Variants in ADAMTS8 observed in about 807,000 individuals in gnomAD.
ADAMTS8 encodes ADAM metallopeptidase with thrombospondin type 1 motif 8, also known as A disintegrin and metalloproteinase with thrombospondin motifs 8.
ADAMTS8 carries 50 observed loss-of-function variants against 64.4 expected under a neutral mutation model. The ratio of observed to expected loss-of-function variants is 0.78; its 90% confidence interval spans 0.62 to 0.98. ADAMTS8 has a LOEUF of 0.98. ADAMTS8 is among the 50% of genes least tolerant of loss of function. ADAMTS8 has a pLI of 0.00. For missense variants in ADAMTS8, 1,192 were observed against 1,208.2 expected (o/e 0.99, Z 0.20); for synonymous variants, 556 against 533.6 (o/e 1.04, Z -0.58).
rs1388320492 is a variant in ADAMTS8, at chr11:130,427,842, G to C, written c.445C>G (p.Arg149Gly). 6.5e-7 allele frequency: 1 copy of C among 1,542,860 alleles called. No homozygotes were observed. The highest frequency in any genetic ancestry group is 8.7e-7 in the Non-Finnish European group (1 of 1,147,840). ...GAGGSLAQPH[R>G]LQRWGPAGAR... ...CCGGCGGGACCCCAGCGCTGCAGGC[G>C]GTGCGGCTGAGCCAGGGAGCCCCCC... The change falls in exon 1 of 9, where the codon CGC becomes GGC. Residue 149 changes from arginine (R) to glycine (G), a missense_variant. Arg to Gly is a moderately radical substitution (Grantham distance 125, BLOSUM62 -2). Coordinates refer to ENST00000257359, the MANE Select transcript of ADAMTS8 (RefSeq NM_007037.6).
chr11:130,416,790 G>T lies in ADAMTS8; in HGVS notation c.1096+150C>A. On this transcript the variant is annotated intron_variant, in intron 3 of 8. Coordinates refer to ENST00000257359, the MANE Select transcript of ADAMTS8 (RefSeq NM_007037.6). This position sits in a 1 kb window ranked among gnomAD's most constrained non-coding sequence, Gnocchi z 4.8. Reference sequence around the variant, plus strand: ...GTTGTGTTCAGCACTGTCAAGCGCGGTATCTGTTTGTATACAGTCACCCTG... The same window carrying T: ...GTTGTGTTCAGCACTGTCAAGCGCGTTATCTGTTTGTATACAGTCACCCTG... 2 of 1,262,060 alleles carry T rather than the reference G, an allele frequency of 1.6e-6. No homozygotes were observed. Among genetic ancestry groups the T allele is most frequent in the Non-Finnish European group, 2.2e-6 (2 of 897,584 alleles). The allele number at this position is 1,262,060 out of a possible 1,614,324, so 78.2% of individuals were successfully genotyped here.
Position 130,411,840 on chromosome 11 carries a change from T to C in ADAMTS8, c.1567-240A>G, listed in dbSNP as rs10894194. On this transcript the variant is annotated intron_variant, in intron 5 of 8. Coordinates refer to ENST00000257359, the MANE Select transcript of ADAMTS8 (RefSeq NM_007037.6). This position sits in a 1 kb window ranked among gnomAD's most constrained non-coding sequence, Gnocchi z 4.2. ...CCTCAGTGTCTAAAACAGTGCCTTA[T>C]GCTTAGTAAGGTGCTCAATAGGCTA... The C allele has an allele frequency of 0.17, 89,222 of 540,436 alleles. 8,624 individuals carry two copies. The highest frequency in any genetic ancestry group is 0.22 in the Admixed American group (6,529 of 29,670). The allele number at this position is 540,436 out of a possible 1,614,324, so 33.5% of individuals were successfully genotyped here. A position where few individuals can be genotyped will look rare whatever the true frequency, so the allele number is the denominator to read the frequency against.
rs189501570 is a variant in ADAMTS8 at position 130,406,184 on chromosome 11, G to A, written c.2100-56C>T. On this transcript the variant is annotated intron_variant, in intron 8 of 8. Transcript: ENST00000257359. ...CCAGTGGCTGCCCAGCCCAGGTCAC[G>A]ATGATGCCTTGGAGACTGAAGTGGG... 5.8e-4 allele frequency: 907 copies of A among 1,552,962 alleles called. 1 individual carries two copies. The highest frequency in any genetic ancestry group is 7.0e-4 in the Non-Finnish European group (809 of 1,149,526).
At chr11:130,412,720 C>T (rs1861968215) in intron 5 of ADAMTS8, among the ~76,000 whole-genome samples, 1 of 151,970 alleles carries the variant, frequency 6.6e-6, no homozygotes. Context: ...CAGATAAAAC[C>T]ATTAACATGA....
Position 130,405,268 on chromosome 11 carries a change from G to A in ADAMTS8, c.*290C>T. 1 of 1,207,064 alleles carries A rather than the reference G, an allele frequency of 8.3e-7. No homozygotes were observed. Among genetic ancestry groups the A allele is most frequent in the Non-Finnish European group, 1.0e-6 (1 of 971,122 alleles). 74.8% of individuals were successfully genotyped at this position (1,207,064 alleles called of 1,614,324 possible). A position where few individuals can be genotyped will look rare whatever the true frequency, so the allele number is the denominator to read the frequency against. ...CTTTGCAAACAGACTGACGCTGAGT[G>A]TCCTGTCTGAGTCAATAAGTGCACT... On this transcript the variant is annotated 3_prime_UTR_variant, in exon 9 of 9. Coordinates refer to ENST00000257359, the MANE Select transcript of ADAMTS8 (RefSeq NM_007037.6).
chr11:130,419,488 G>C (rs1862072650), intron 1 of ADAMTS8, among the ~76,000 whole-genome samples, 196 bp from the exon 2 acceptor site: 1 of 152,184 alleles, frequency 6.6e-6, no homozygotes, highest in Non-Finnish European at 1.5e-5. Flanking sequence ...ACCTGCACGA[G>C]GTCACAAAGC....
At position 130,405,726 on chromosome 11, in the gene ADAMTS8, T is replaced by C; in HGVS notation, c.2502A>G (p.Ala834=). 1 of 1,614,218 alleles carries C rather than the reference T, an allele frequency of 6.2e-7. No individual in the cohort carries two copies. Among genetic ancestry groups the C allele is most frequent in the Non-Finnish European group, 8.5e-7 (1 of 1,180,024 alleles). Residue 834 remains alanine, a synonymous_variant, in exon 9 of 9, where the codon GCA becomes GCG. Coordinates refer to ENST00000257359, the MANE Select transcript of ADAMTS8 (RefSeq NM_007037.6). ...CAGACCAGTCCCCCAGCACCCACTG[T>C]GCGTGGAGCAGCGGCTGGATGATGT... ...TTNIIQPLLH[A]QWVLGDWSEC...
At position 130,428,158 on chromosome 11, in the gene ADAMTS8, G is replaced by A; in HGVS notation, c.129C>T (p.Pro43=). ...AGGQASELVV[P]TRLPGSAGEL... Reference sequence around the variant, plus strand: ...CGCCCGCGCTGCCGGGCAACCGCGTGGGCACCACCAGCTCCGAGGCCTGCC... The same window carrying A: ...CGCCCGCGCTGCCGGGCAACCGCGTAGGCACCACCAGCTCCGAGGCCTGCC... Residue 43 remains proline, a synonymous_variant, in exon 1 of 9, where the codon CCC becomes CCT. Transcript: ENST00000257359. 4 of 1,471,180 alleles carry A rather than the reference G, an allele frequency of 2.7e-6. No individual in the cohort carries two copies. In the South Asian group the frequency reaches 5.2e-5, roughly 19 times the overall value. 91.1% of individuals were successfully genotyped at this position (1,471,180 alleles called of 1,614,324 possible). A position where few individuals can be genotyped will look rare whatever the true frequency, so the allele number is the denominator to read the frequency against.
chr11:130,406,967 G>C (rs1438423317), intron 8 of ADAMTS8, among the ~76,000 whole-genome samples: 1 of 152,156 alleles, frequency 6.6e-6, no homozygotes, highest in Non-Finnish European at 1.5e-5. Flanking sequence ...GACTCTTAGA[G>C]TGTCCACAGG....
At chr11:130,421,391 C>CA (rs1862096869) in intron 1 of ADAMTS8, among the ~76,000 whole-genome samples, 1 of 152,214 alleles carries the variant, frequency 6.6e-6, no homozygotes, top group Non-Finnish European at 1.5e-5. Flanking sequence ...CAGCTCATAT[C>CA]ATTGTCTTCT....
At chr11:130,413,599 A>G (rs1006621616) in intron 5 of ADAMTS8, among the ~76,000 whole-genome samples, 4 of 152,198 alleles carry the variant, frequency 2.6e-5, no homozygotes, top group African/African-American at 9.7e-5. Context: ...AGCAGGGCAA[A>G]GAAGTGAATC....
intron 1 of ADAMTS8, among the ~76,000 whole-genome samples, chr11:130,425,671 G>A (rs568097423): frequency 4.0e-5 from 6 of 150,102 alleles, no homozygotes; most frequent in Non-Finnish European, 5.9e-5. Flanking sequence ...CGCGGTCTCC[G>A]CTCACTGCAA....
At chr11:130,419,320 G>C (rs776095672) in intron 1 of ADAMTS8, 28 bp from the exon 2 acceptor site, 3 of 1,613,148 alleles carry the variant, frequency 1.9e-6, no homozygotes, top group East Asian at 4.5e-5. Context: ...ACAAGAGGCG[G>C]AGTGAAGGGT....
At chr11:130,425,136 C>T (rs1862147538) in intron 1 of ADAMTS8, among the ~76,000 whole-genome samples, 1 of 152,036 alleles carries the variant, frequency 6.6e-6, no homozygotes, top group South Asian at 2.1e-4. Context: ...CCACATCGCC[C>T]GGTCAGGAGT....
intron 1 of ADAMTS8, among the ~76,000 whole-genome samples, chr11:130,426,000 T>C (rs539266782): frequency 1.3e-5 from 2 of 152,294 alleles, no homozygotes; most frequent in Admixed American, 1.3e-4. Context: ...CCACACTCTC[T>C]AGTACTTGCT....
chr11:130,416,805 C>T lies in ADAMTS8; in HGVS notation c.1096+135G>A. The T allele has an allele frequency of 1.4e-6, 2 of 1,397,464 alleles. No homozygotes were observed. Among genetic ancestry groups the T allele is most frequent in the Non-Finnish European group, 2.0e-6 (2 of 1,010,560 alleles). The allele number at this position is 1,397,464 out of a possible 1,614,324, so 86.6% of individuals were successfully genotyped here. A position where few individuals can be genotyped will look rare whatever the true frequency, so the allele number is the denominator to read the frequency against. ...GTCAAGCGCGGTATCTGTTTGTATA[C>T]AGTCACCCTGTCAAAATTAGGAGGA... On this transcript the variant is annotated intron_variant, in intron 3 of 8. Transcript: ENST00000257359. The surrounding 1 kb of genome is among the most constrained non-coding windows in gnomAD (Gnocchi z 4.8).
At chr11:130,427,297 A>T (rs1000467722) in intron 1 of ADAMTS8, among the ~76,000 whole-genome samples, 15 of 152,026 alleles carry the variant, frequency 9.9e-5, no homozygotes, top group Non-Finnish European at 2.1e-4. Flanking sequence ...GATGAGAGGG[A>T]TGGGCGTCGG....
In ADAMTS8 at chr11:130,416,705, G is replaced by T. The variant is rs1185968410; in HGVS notation, c.1096+235C>A. On this transcript the variant is annotated intron_variant, in intron 3 of 8. Coordinates refer to ENST00000257359, the MANE Select transcript of ADAMTS8 (RefSeq NM_007037.6). The surrounding 1 kb of genome is among the most constrained non-coding windows in gnomAD (Gnocchi z 4.8). ...TGTCCTGGCATTTGCCCGGTGACCT[G>T]TGATAATCGTGTGGGATGCTGCTTT... Among the ~76,000 whole-genome samples, 1 of 152,214 alleles carries T rather than the reference G, an allele frequency of 6.6e-6. No homozygotes were observed. Among genetic ancestry groups the T allele is most frequent in the Non-Finnish European group, 1.5e-5 (1 of 68,036 alleles).
rs1259392526 is a variant in ADAMTS8 at position 130,416,812 on chromosome 11, C to T, written c.1096+128G>A. The T allele has an allele frequency of 5.6e-6, 8 of 1,433,086 alleles. No homozygotes were observed. The highest frequency in any genetic ancestry group is 6.7e-6 in the Non-Finnish European group (7 of 1,040,642). 88.8% of individuals were successfully genotyped at this position (1,433,086 alleles called of 1,614,324 possible). On this transcript the variant is annotated intron_variant, in intron 3 of 8. Coordinates refer to ENST00000257359, the MANE Select transcript of ADAMTS8 (RefSeq NM_007037.6). The surrounding 1 kb of genome is among the most constrained non-coding windows in gnomAD (Gnocchi z 4.8). Reference sequence around the variant, plus strand: ...GCGGTATCTGTTTGTATACAGTCACCCTGTCAAAATTAGGAGGAGCTATTC... The same window carrying T: ...GCGGTATCTGTTTGTATACAGTCACTCTGTCAAAATTAGGAGGAGCTATTC...
Sources: gnomAD v4.1 joint callset for allele counts (sites outside exome capture counted in the v4.1 genomes callset) on GRCh38, gnomAD v4.1.1 for gene constraint, Gnocchi (gnomAD v3.1) non-coding constraint, MANE v1.5 for transcripts, NCBI Gene and HGNC (gene_info 2026-07-23, HGNC 2026-07-21) for gene names.